The following RIN2 variants were observed in gnomAD, a reference collection of about 807,000 sequenced individuals.
The protein encoded by RIN2 is Ras and Rab interactor 2, also known as RAB5 interacting protein 2.
Under a neutral mutation model 78.0 loss-of-function variants are expected in RIN2, and 36 were observed. The observed-to-expected ratio is 0.46, with a 90% CI of 0.35 to 0.61. The LOEUF is 0.61. Ranked by LOEUF, RIN2 falls within the 20% of genes least tolerant of loss-of-function variation. The pLI, the probability that RIN2 is intolerant of heterozygous loss-of-function variation, is 0.00. For missense variants in RIN2, 1,087 were observed against 1,159.7 expected (o/e 0.94, Z 0.91); for synonymous variants, 466 against 466.8 (o/e 1.00, Z 0.02).
At chr20:19,989,851 G>A (rs971328968) in intron 9 of RIN2, among the ~76,000 whole-genome samples, 155 bp from the exon 10 acceptor site, 4 of 152,302 alleles carry the variant, frequency 2.6e-5, no homozygotes, top group South Asian at 2.1e-4. Context: ...GAGTTATGGC[G>A]CTGCTTGGTG....
At position 20,002,291 on chromosome 20, in the gene RIN2, G is replaced by A. The variant is rs1474363937; in HGVS notation, c.*1355G>A. On this transcript the variant is annotated 3_prime_UTR_variant, in exon 13 of 13. Coordinates refer to ENST00000255006, the MANE Select transcript of RIN2 (RefSeq NM_018993.4). ...TAAAGATGCATAGTCATCTCATTTG[G>A]TTGGCTTTGTACCTTGTACCTTTTT... 2 of 152,568 alleles carry A rather than the reference G, an allele frequency of 1.3e-5. No individual in the cohort carries two copies. The highest frequency in any genetic ancestry group is 2.9e-5 in the Non-Finnish European group (2 of 68,026). The allele number at this position is 152,568 out of a possible 1,614,324, so 9.5% of individuals were successfully genotyped here.
At chr20:19,878,525 C>A (rs2037925760) in intron 2 of RIN2, among the ~76,000 whole-genome samples, 1 of 152,158 alleles carries the variant, frequency 6.6e-6, no homozygotes. Context: ...TTTCCCAAGT[C>A]CTCGTAAAGG....
intron 9 of RIN2, among the ~76,000 whole-genome samples, chr20:19,979,612 T>C (rs981474314): frequency 6.6e-6 from 1 of 152,070 alleles, no homozygotes; most frequent in Non-Finnish European, 1.5e-5. Flanking sequence ...ATCTGGGTTT[T>C]TTTTGTTTTT....
At position 19,936,129 on chromosome 20, in the gene RIN2, G is replaced by A. The variant is rs1003542664; in HGVS notation, c.158+930G>A. Among the ~76,000 whole-genome samples the A allele has an allele frequency of 5.3e-5, 8 of 152,214 alleles. 1 individual carries two copies. The South Asian group carries it at 1.7e-3, about 32-fold the overall frequency. On this transcript the variant is annotated intron_variant, in intron 4 of 12. Transcript: ENST00000255006. Reference sequence around the variant, plus strand: ...AGAGCAACATCCCAGGGAGGCACTTGCAGCTGGAAGGTGGTACTTTGATAC... The same window carrying A: ...AGAGCAACATCCCAGGGAGGCACTTACAGCTGGAAGGTGGTACTTTGATAC...
chr20:19,836,797 G>A (rs371257841), intron 2 of RIN2, among the ~76,000 whole-genome samples: 19 of 152,084 alleles, frequency 1.2e-4, no homozygotes, highest in African/African-American at 4.3e-4. Flanking sequence ...TACGTTTATA[G>A]GTAACATCCT....
chr20:19,828,130 G>A (rs924631729), intron 2 of RIN2, among the ~76,000 whole-genome samples: 1 of 152,102 alleles, frequency 6.6e-6, no homozygotes, highest in African/African-American at 2.4e-5. Context: ...TTCCCATTCT[G>A]TTTGATGGGA....
intron 1 of RIN2, among the ~76,000 whole-genome samples, chr20:19,773,095 GC>G (rs911328750): frequency 2.6e-5 from 4 of 152,174 alleles, no homozygotes; most frequent in African/African-American, 9.7e-5. Context: ...TAGGGAAGGA[GC>G]TGTTCCAGGC....
At chr20:19,959,865 AG>A (rs1214905853) in intron 5 of RIN2, among the ~76,000 whole-genome samples, 1 of 152,208 alleles carries the variant, frequency 6.6e-6, no homozygotes, top group African/African-American at 2.4e-5. Context: ...GGAGTTGTGC[AG>A]TGCACGGCCT....
chr20:19,818,947 A>T (rs772324551), intron 2 of RIN2, among the ~76,000 whole-genome samples: 1 of 152,242 alleles, frequency 6.6e-6, no homozygotes, highest in Non-Finnish European at 1.5e-5. Context: ...ACATGAAAAG[A>T]TGTCCATGTT....
chr20:19,911,071 A>G (rs1428727729), intron 3 of RIN2, among the ~76,000 whole-genome samples: 1 of 150,924 alleles, frequency 6.6e-6, no homozygotes, highest in East Asian at 2.0e-4. Flanking sequence ...TTTTTTTGAG[A>G]CAAAGTTTCA....
intron 2 of RIN2, among the ~76,000 whole-genome samples, chr20:19,856,077 C>CA (rs893945830): frequency 9.4e-5 from 14 of 149,684 alleles, no homozygotes; most frequent in Non-Finnish European, 1.3e-4. Context: ...CCTTCTAGAA[C>CA]AAAAAAAAAG....
chr20:19,894,891 G>A (rs181865674), intron 3 of RIN2, among the ~76,000 whole-genome samples: 1 of 152,162 alleles, frequency 6.6e-6, no homozygotes, highest in Admixed American at 6.5e-5. Flanking sequence ...TCCTTGCTGG[G>A]CACAGGACCA....
At chr20:19,826,925 T>G (rs1197370521) in intron 2 of RIN2, among the ~76,000 whole-genome samples, 1 of 151,398 alleles carries the variant, frequency 6.6e-6, no homozygotes, top group Non-Finnish European at 1.5e-5. Context: ...ATTTTATTTT[T>G]GTTATTGTTG....
intron 3 of RIN2, among the ~76,000 whole-genome samples, chr20:19,907,966 A>G (rs1568596587): frequency 6.6e-6 from 1 of 152,160 alleles, no homozygotes; most frequent in Non-Finnish European, 1.5e-5. Flanking sequence ...ACAATGGACA[A>G]TGCCAGCCAT....
At chr20:19,969,422 T>C (rs1004732429) in intron 7 of RIN2, among the ~76,000 whole-genome samples, 1 of 152,096 alleles carries the variant, frequency 6.6e-6, no homozygotes, top group Admixed American at 6.5e-5. Flanking sequence ...TGGAAGGTCC[T>C]TCCCCTCATG....
intron 4 of RIN2, among the ~76,000 whole-genome samples, chr20:19,952,098 C>A (rs2041339882): frequency 6.6e-6 from 1 of 152,208 alleles, no homozygotes; most frequent in Non-Finnish European, 1.5e-5. Context: ...AAGACGTGGG[C>A]TCTGCCTGGT....
chr20:19,877,799 G>T (rs769149659), intron 2 of RIN2, among the ~76,000 whole-genome samples: 1 of 151,860 alleles, frequency 6.6e-6, no homozygotes, highest in South Asian at 2.1e-4. Flanking sequence ...TGGGAGGATC[G>T]CTTGAGCCCA....
Position 19,889,582 on chromosome 20 carries a change from G to A in RIN2, c.-20G>A, listed in dbSNP as rs375404772. The A allele has an allele frequency of 3.9e-4, 605 of 1,550,390 alleles. 1 individual carries two copies. Among genetic ancestry groups the A allele is most frequent in the Non-Finnish European group, 4.9e-4 (564 of 1,146,290 alleles). On this transcript the variant is annotated 5_prime_UTR_variant, in exon 3 of 13. In the 5' UTR this introduces an upstream ATG that the reference lacks. Coordinates refer to ENST00000255006, the MANE Select transcript of RIN2 (RefSeq NM_018993.4). The stretch of plus-strand genomic sequence containing the variant: ...TACCTTCAGGAGTCCCCGGCGTGCA[G>A]TGGAGCCTCGCTGGGGGAAATGACA...
At chr20:19,941,009 C>T (rs1023989729) in intron 4 of RIN2, among the ~76,000 whole-genome samples, 1 of 152,230 alleles carries the variant, frequency 6.6e-6, no homozygotes, top group Non-Finnish European at 1.5e-5. Flanking sequence ...CTGTAGCTGT[C>T]ACTCCTGCTG....
Sources: allele counts gnomAD v4.1 joint callset (sites outside exome capture counted in the v4.1 genomes callset), GRCh38; gene constraint gnomAD v4.1.1; transcripts MANE v1.5; gene names NCBI Gene and HGNC (gene_info 2026-07-23, HGNC 2026-07-21).